Variants in EYS observed in about 807,000 individuals in gnomAD.
EYS encodes the protein protein eyes shut homolog.
A neutral mutation model predicts 282.1 loss-of-function variants in EYS; 250 were observed. The ratio of observed to expected loss-of-function variants is 0.89; its 90% CI spans 0.80 to 0.98. EYS has a LOEUF of 0.98. Among genes scored for constraint, EYS ranks in the 50% least tolerant of loss-of-function variants. The probability of loss-of-function intolerance (pLI) is 0.00; values close to 1 mark genes in which losing one functional copy is unlikely to be tolerated. For missense variants in EYS, 4,016 were observed against 3,709.0 expected (o/e 1.08, Z -2.15); for synonymous variants, 1,355 against 1,282.9 (o/e 1.06, Z -1.20).
At chr6:63,805,311 G>C (rs1770876982) in intron 37 of EYS, among the ~76,000 whole-genome samples, 1 of 152,174 alleles carries the variant, frequency 6.6e-6, no homozygotes, top group Non-Finnish European at 1.5e-5. Flanking sequence ...ACAAATGTAA[G>C]TTATAAGTTG....
At chr6:64,764,324 T>A (rs1480507024) in intron 22 of EYS, among the ~76,000 whole-genome samples, 1 of 152,212 alleles carries the variant, frequency 6.6e-6, no homozygotes, top group Non-Finnish European at 1.5e-5. Flanking sequence ...CTTCTGTGCA[T>A]CTGCAGGCCC....
intron 35 of EYS, among the ~76,000 whole-genome samples, chr6:63,917,679 A>C (rs1182010965): frequency 6.6e-6 from 1 of 152,266 alleles, no homozygotes; most frequent in African/African-American, 2.4e-5. Context: ...TGAAATAGGC[A>C]ATAAAGGTAA....
intron 35 of EYS, among the ~76,000 whole-genome samples, chr6:63,895,922 T>G (rs971422551): frequency 3.3e-5 from 5 of 151,456 alleles, no homozygotes; most frequent in East Asian, 1.9e-4. Context: ...TTTTTTTTTT[T>G]TTTTTTTTTT....
At chr6:64,627,607 G>T (rs891594945) in intron 22 of EYS, among the ~76,000 whole-genome samples, 2 of 152,176 alleles carry the variant, frequency 1.3e-5, no homozygotes, top group African/African-American at 2.4e-5. Context: ...TAGCCACTGT[G>T]CTTTACTTGC....
intron 31 of EYS, among the ~76,000 whole-genome samples, chr6:64,114,186 C>T (rs976702120): frequency 5.9e-5 from 9 of 152,098 alleles, no homozygotes; most frequent in Non-Finnish European, 1.3e-4. Flanking sequence ...ATATAAGGTG[C>T]AAAATTCTGG....
At chr6:64,881,940 T>C (rs1313446234) in intron 19 of EYS, among the ~76,000 whole-genome samples, 1 of 151,868 alleles carries the variant, frequency 6.6e-6, no homozygotes, top group African/African-American at 2.4e-5. Context: ...TATTAATGTT[T>C]GTAATTCAAT....
chr6:64,722,516 GA>G (rs544037652), intron 22 of EYS, among the ~76,000 whole-genome samples: 199 of 130,328 alleles, frequency 1.5e-3, no homozygotes, highest in Middle Eastern at 3.9e-3. Context: ...TAAATTATTT[GA>G]AAAAAAAAAA....
At chr6:64,509,110 A>G (rs773763971) in intron 26 of EYS, among the ~76,000 whole-genome samples, 3 of 152,140 alleles carry the variant, frequency 2.0e-5, no homozygotes, top group Non-Finnish European at 2.9e-5. Flanking sequence ...TTAAATTTTA[A>G]TTTTAAATTA....
rs141997032 is a variant in EYS at position 64,850,455 on chromosome 6, A to G, written c.2993-27633T>C. 3.0e-4 allele frequency among the ~76,000 whole-genome samples: 45 copies of G among 152,182 alleles called. 1 individual carries two copies. Among genetic ancestry groups the G allele is most frequent in the South Asian group, 1.2e-3 (6 of 4,822 alleles). On this transcript the variant is annotated intron_variant, in intron 19 of 42. Coordinates refer to ENST00000503581, the MANE Select transcript of EYS (RefSeq NM_001142800.2). ...CTCAGAGGGTCCTCCCTGAAGAAGT[A>G]ACTTGAAATGAGATATGGTAGAAGT...
chr6:64,722,196 G>A (rs530890305), intron 22 of EYS, among the ~76,000 whole-genome samples: 4 of 152,096 alleles, frequency 2.6e-5, no homozygotes, highest in Non-Finnish European at 2.9e-5. Context: ...AAAAGAAATC[G>A]TATATATTAC....
chr6:64,518,787 C>CCCG (rs1554169761), intron 26 of EYS, among the ~76,000 whole-genome samples: 4 of 150,996 alleles, frequency 2.6e-5, no homozygotes, highest in Non-Finnish European at 4.4e-5. Flanking sequence ...GGGGCCCCCC[C>CCCG]CTTCTCAGGG....
chr6:65,487,219 G>A (rs10097158), intron 5 of EYS, among the ~76,000 whole-genome samples: 46 of 152,210 alleles, frequency 3.0e-4, no homozygotes, highest in Admixed American at 9.2e-4. Flanking sequence ...TGTTGAATAC[G>A]AGTGGTGAGA....
chr6:65,542,813 AT>A (rs917841154), intron 2 of EYS, among the ~76,000 whole-genome samples: 1 of 152,124 alleles, frequency 6.6e-6, no homozygotes, highest in South Asian at 2.1e-4. Context: ...AATGACTTGA[AT>A]TTTTTTAAAG....
chr6:65,002,682 C>T (rs1435971283), intron 13 of EYS, among the ~76,000 whole-genome samples: 1 of 147,628 alleles, frequency 6.8e-6, no homozygotes, highest in Non-Finnish European at 1.5e-5. Context: ...GTAATTTTAA[C>T]TATTTATTCA....
At chr6:65,632,850 C>T (rs1156795028) in intron 2 of EYS, among the ~76,000 whole-genome samples, 1 of 152,028 alleles carries the variant, frequency 6.6e-6, no homozygotes, top group Middle Eastern at 3.2e-3. Flanking sequence ...GAAATTGAGT[C>T]CCAAGTAAGT....
chr6:65,618,142 T>A (rs1006488500), intron 2 of EYS, among the ~76,000 whole-genome samples: 1 of 152,186 alleles, frequency 6.6e-6, no homozygotes, highest in East Asian at 1.9e-4. Context: ...ACTTCCACAA[T>A]GGTTGAACTA....
At chr6:64,966,332 G>A (rs556186716) in intron 14 of EYS, among the ~76,000 whole-genome samples, 2 of 152,140 alleles carry the variant, frequency 1.3e-5, no homozygotes, top group Non-Finnish European at 2.9e-5. Context: ...TTGGTGTTGG[G>A]GGGGGTATTG....
chr6:65,370,786 C>T (rs1285010939), intron 8 of EYS, among the ~76,000 whole-genome samples: 1 of 151,902 alleles, frequency 6.6e-6, no homozygotes, highest in Non-Finnish European at 1.5e-5. Context: ...AAGGGAGTCC[C>T]TCCAAATAGG....
intron 22 of EYS, among the ~76,000 whole-genome samples, chr6:64,626,908 T>TC (rs1767627260): frequency 6.6e-6 from 1 of 152,192 alleles, no homozygotes; most frequent in African/African-American, 2.4e-5. Context: ...TGGGAGACTC[T>TC]TAAAATGGAG....
Sources: allele counts gnomAD v4.1 joint callset (sites outside exome capture counted in the v4.1 genomes callset), GRCh38; gene constraint gnomAD v4.1.1; transcripts MANE v1.5; gene names NCBI Gene and HGNC (gene_info 2026-07-23, HGNC 2026-07-21).